The following CDH17 variants were observed in gnomAD, a reference collection of about 807,000 sequenced individuals.
CDH17 encodes the protein cadherin 17, also known as cadherin-17.
CDH17 carries 67 observed loss-of-function variants against 86.3 expected under a neutral mutation model. The ratio of observed to expected loss-of-function variants is 0.78; its 90% CI spans 0.64 to 0.95. CDH17 has a LOEUF of 0.95. Ranked by LOEUF, CDH17 falls within the 40% of genes least tolerant of loss-of-function variation. The pLI is 0.00. For missense variants in CDH17, 993 were observed against 1,017.6 expected, an observed-to-expected ratio of 0.98 and a Z score of 0.33; for synonymous variants, 367 against 366.4, an observed-to-expected ratio of 1.00 and a Z score of -0.02.
chr8:94,203,079 G>A, intron 1 of CDH17: 1 of 183,588 alleles, frequency 5.4e-6, no homozygotes, highest in South Asian at 1.2e-4. Context: ...GTGATGTTTA[G>A]ACGCTCTTGT....
intron 1 of CDH17, among the ~76,000 whole-genome samples, chr8:94,206,220 C>G (rs1288501709): frequency 1.3e-5 from 2 of 151,732 alleles, no homozygotes; most frequent in Non-Finnish European, 2.9e-5. Context: ...AGGGGAATAT[C>G]TGCTTTTATT....
intron 5 of CDH17, among the ~76,000 whole-genome samples, chr8:94,176,272 A>T (rs142660022): frequency 6.6e-6 from 1 of 152,320 alleles, no homozygotes; most frequent in East Asian, 1.9e-4. Context: ...GATAGAGGTC[A>T]GGGGGATGCT....
At position 94,165,960 on chromosome 8, in the gene CDH17, G is replaced by A. The variant is rs1312812605; in HGVS notation, c.1083C>T (p.Thr361=). Residue 361 remains threonine (T), a synonymous_variant, in exon 10 of 18, where the codon ACC becomes ACT. Coordinates refer to ENST00000027335, the MANE Select transcript of CDH17 (RefSeq NM_004063.4). ...ENERLGNSIG[T]LTAHDRDEEN... ...CTTCATCCCTGTCATGTGCAGTAAG[G>A]GTCCCGATACTGTTACCTATGAGGA... 6.2e-7 allele frequency: 1 copy of A among 1,611,710 alleles called. No individual in the cohort carries two copies. The highest frequency in any genetic ancestry group is 8.5e-7 in the Non-Finnish European group (1 of 1,178,056).
rs755346799 is a variant in CDH17, at chr8:94,160,159, C to T, written c.1363G>A (p.Gly455Arg). The T allele has an allele frequency of 5.0e-5, 80 of 1,607,314 alleles. No individual in the cohort carries two copies. In the South Asian group the frequency reaches 8.6e-4, roughly 17 times the overall value. The change falls in exon 12 of 18, where the codon GGA (glycine) becomes AGA (arginine). Residue 455 changes from glycine (G) to arginine (R), a missense_variant. Coordinates refer to ENST00000027335, the MANE Select transcript of CDH17 (RefSeq NM_004063.4). ...GTGTCTTCAGCAAGAGTCAGGTTTC[C>T]ATACTAAGGAGAAAATGGAGAAGGA... ...QIPIFEKSDY[G>R]NLTLAEDTNI...
At chr8:94,214,421 C>T (rs1431518544) in intron 1 of CDH17, among the ~76,000 whole-genome samples, 2 of 152,162 alleles carry the variant, frequency 1.3e-5, no homozygotes, top group Non-Finnish European at 2.9e-5. Context: ...AAAGAATACT[C>T]TTTTTAGTAA....
intron 14 of CDH17, among the ~76,000 whole-genome samples, chr8:94,148,348 G>A (rs1037363723): frequency 1.3e-5 from 2 of 151,822 alleles, no homozygotes; most frequent in African/African-American, 4.8e-5. Context: ...TTGAGACCAG[G>A]CTGGCCAACA....
At chr8:94,145,664 T>G (rs555216266) in intron 15 of CDH17, among the ~76,000 whole-genome samples, 1 of 152,182 alleles carries the variant, frequency 6.6e-6, no homozygotes, top group Admixed American at 6.5e-5. Flanking sequence ...CCATCTGTCA[T>G]TGAAAATTTT....
chr8:94,205,546 C>T (rs1232574161), intron 1 of CDH17, among the ~76,000 whole-genome samples: 4 of 152,160 alleles, frequency 2.6e-5, no homozygotes, highest in African/African-American at 9.7e-5. Flanking sequence ...CAAGAATGTG[C>T]AGTCATGCTT....
chr8:94,136,182 T>C (rs1812521951), intron 15 of CDH17, among the ~76,000 whole-genome samples: 1 of 152,194 alleles, frequency 6.6e-6, no homozygotes, highest in South Asian at 2.1e-4. Context: ...CTGTATTTCC[T>C]GAATTTGAAT....
At chr8:94,207,536 A>G (rs570269706) in intron 1 of CDH17, among the ~76,000 whole-genome samples, 1 of 152,344 alleles carries the variant, frequency 6.6e-6, no homozygotes, top group South Asian at 2.1e-4. Flanking sequence ...CTCTCAGTAA[A>G]GGACTCGCTT....
At chr8:94,128,369 A>C in intron 17 of CDH17, 29 bp from the exon 18 acceptor site, 3 of 1,345,924 alleles carry the variant, frequency 2.2e-6, no homozygotes, top group Non-Finnish European at 3.2e-6. Flanking sequence ...GGTCAAATAA[A>C]TGGGACCTTT....
chr8:94,141,720 C>T (rs751882187), intron 15 of CDH17, among the ~76,000 whole-genome samples: 3 of 151,844 alleles, frequency 2.0e-5, no homozygotes, highest in East Asian at 1.9e-4. Flanking sequence ...CATTGCTGAA[C>T]GAAATTAAAG....
chr8:94,212,730 G>A (rs915717537), upstream of CDH17, among the ~76,000 whole-genome samples: 3 of 152,200 alleles, frequency 2.0e-5, no homozygotes, highest in Admixed American at 6.5e-5. Context: ...TCTGACAGAA[G>A]TGGACCCACT....
At chr8:94,173,728 G>A (rs1433177445) in intron 7 of CDH17, 69 bp downstream of exon 7, 1 of 1,117,298 alleles carries the variant, frequency 9.0e-7, no homozygotes, top group Non-Finnish European at 1.4e-6. Flanking sequence ...AAGACTGTGA[G>A]GGTGGGTCTC....
intron 1 of CDH17, among the ~76,000 whole-genome samples, chr8:94,215,465 T>G (rs993438614): frequency 6.6e-6 from 1 of 152,010 alleles, no homozygotes; most frequent in African/African-American, 2.4e-5. Flanking sequence ...GAAAGAAGAT[T>G]TCGGAGTTGC....
At chr8:94,136,803 GT>G (rs1812538622) in intron 15 of CDH17, among the ~76,000 whole-genome samples, 1 of 152,176 alleles carries the variant, frequency 6.6e-6, no homozygotes, top group Admixed American at 6.5e-5. Flanking sequence ...TACAGTTGGG[GT>G]TTTGGTGTAG....
chr8:94,149,389 G>A (rs1812815429), intron 13 of CDH17, among the ~76,000 whole-genome samples: 2 of 152,144 alleles, frequency 1.3e-5, no homozygotes, highest in Admixed American at 1.3e-4. Flanking sequence ...GGAAGATCAG[G>A]CAGTGGGCCA....
Position 94,147,108 on chromosome 8 carries a change from TAGAATGTG to T in CDH17, c.1928-949_1928-942del, listed in dbSNP as rs539636378. ...CCCTGGTTTTGATTTCTGAAACTTC[TAGAATGTG>T]AGAAACTCTTGGGACACATCCAGAG... is the stretch of plus-strand genomic sequence containing the variant. On this transcript the variant is annotated intron_variant, in intron 14 of 17. Transcript: ENST00000027335. Among the ~76,000 whole-genome samples, 427 of 152,334 alleles carry T rather than the reference TAGAATGTG, an allele frequency of 2.8e-3. 5 individuals carry two copies. Among genetic ancestry groups the T allele is most frequent in the African/African-American group, 9.7e-3 (404 of 41,578 alleles).
intron 9 of CDH17, among the ~76,000 whole-genome samples, chr8:94,168,016 A>C (rs1169877025): frequency 6.8e-6 from 1 of 147,610 alleles, no homozygotes; most frequent in African/African-American, 2.5e-5. Flanking sequence ...AGTGGGATTC[A>C]AGAATAAATG....
Sources: allele counts gnomAD v4.1 joint callset (sites outside exome capture counted in the v4.1 genomes callset), GRCh38; gene constraint gnomAD v4.1.1; transcripts MANE v1.5; gene names NCBI Gene and HGNC (gene_info 2026-07-23, HGNC 2026-07-21).